Variants in SLCO2A1 observed in about 807,000 individuals in gnomAD.
SLCO2A1 encodes the protein matrin F/G 1.
A neutral mutation model predicts 71.7 loss-of-function variants in SLCO2A1; 60 were observed. That is an observed-to-expected ratio of 0.84 (90% CI 0.68 to 1.04). The LOEUF (loss-of-function observed/expected upper bound fraction) is 1.04. SLCO2A1 is among the 50% of genes least tolerant of loss of function. The probability of loss-of-function intolerance (pLI) is 0.00; values close to 1 mark genes in which losing one functional copy is unlikely to be tolerated. For synonymous variants in SLCO2A1, 308 were observed against 326.7 expected (o/e 0.94, Z 0.62); for missense variants, 745 against 813.4 (o/e 0.92, Z 1.02).
At chr3:133,942,453 C>T (rs1933448465) in intron 11 of SLCO2A1, 152 bp downstream of exon 11, 3 of 814,188 alleles carry the variant, frequency 3.7e-6, no homozygotes, top group South Asian at 4.0e-5. Flanking sequence ...ATTATTTCCC[C>T]TCAGCAAAAG....
At chr3:134,002,279 C>G (rs938463914) in intron 1 of SLCO2A1, among the ~76,000 whole-genome samples, 1 of 152,136 alleles carries the variant, frequency 6.6e-6, no homozygotes, top group South Asian at 2.1e-4. Flanking sequence ...GAGAAGGCTC[C>G]GTCCTCAGCA....
At chr3:133,956,802 A>C (rs377668249) in intron 3 of SLCO2A1, among the ~76,000 whole-genome samples, 22 of 152,326 alleles carry the variant, frequency 1.4e-4, no homozygotes, top group African/African-American at 4.8e-4. Flanking sequence ...TTGGAGAAGA[A>C]TATGTTCCCT....
intron 1 of SLCO2A1, among the ~76,000 whole-genome samples, chr3:134,004,722 G>T (rs1265682743): frequency 6.6e-6 from 1 of 152,198 alleles, no homozygotes; most frequent in Non-Finnish European, 1.5e-5. Context: ...CTAGTTTTGA[G>T]GATGGAGGAA....
At chr3:134,012,771 GC>G (rs1390587704) in intron 1 of SLCO2A1, among the ~76,000 whole-genome samples, 2 of 152,122 alleles carry the variant, frequency 1.3e-5, no homozygotes, top group African/African-American at 4.8e-5. Context: ...CTCTCTGGGA[GC>G]CCCCATTTCT....
chr3:134,002,228 CAG>C (rs1269423971), intron 1 of SLCO2A1, among the ~76,000 whole-genome samples: 1 of 152,212 alleles, frequency 6.6e-6, no homozygotes, highest in African/African-American at 2.4e-5. Flanking sequence ...AGCACTCCTA[CAG>C]ACTCTCCAAA....
At chr3:133,986,439 C>T (rs922565118) in intron 1 of SLCO2A1, among the ~76,000 whole-genome samples, 2 of 152,138 alleles carry the variant, frequency 1.3e-5, no homozygotes, top group African/African-American at 4.8e-5. Context: ...GTAAACACAT[C>T]ACTTGAGACA....
intron 11 of SLCO2A1, among the ~76,000 whole-genome samples, chr3:133,940,381 C>T (rs1276090935): frequency 1.3e-5 from 2 of 152,186 alleles, no homozygotes; most frequent in African/African-American, 2.4e-5. Flanking sequence ...CTCCTCTCCA[C>T]CCCCTACCCC....
chr3:133,953,830 G>T, intron 4 of SLCO2A1, 69 bp from the exon 5 acceptor site: 1 of 1,185,726 alleles, frequency 8.4e-7, no homozygotes, highest in Non-Finnish European at 1.3e-6. Flanking sequence ...GGGCTCCCAA[G>T]CTGAGGGGGA....
chr3:133,983,832 G>A (rs957029610), intron 1 of SLCO2A1, among the ~76,000 whole-genome samples: 6 of 152,226 alleles, frequency 3.9e-5, no homozygotes, highest in Non-Finnish European at 8.8e-5. Context: ...TGGGAGAGAC[G>A]AGGGCTGGCT....
intron 3 of SLCO2A1, among the ~76,000 whole-genome samples, chr3:133,971,010 C>A (rs945609421): frequency 6.6e-6 from 1 of 152,282 alleles, no homozygotes; most frequent in African/African-American, 2.4e-5. Flanking sequence ...GTTGTCTTAA[C>A]CAGTCTCCTG....
intron 1 of SLCO2A1, among the ~76,000 whole-genome samples, chr3:133,990,115 C>T (rs1231376002): frequency 1.3e-5 from 2 of 152,276 alleles, no homozygotes; most frequent in Admixed American, 6.5e-5. Flanking sequence ...GTTGCCTCTC[C>T]GGGCTGTGCC....
rs754827012 is a variant in SLCO2A1, at chr3:133,953,780, G to T, written c.626-19C>A. Reference sequence around the variant, plus strand: ...AAGATGGCTGGAAAAGGAAGTAAGGGGAAGGAGACTGAGATAAATGGAGAG... The same window carrying T: ...AAGATGGCTGGAAAAGGAAGTAAGGTGAAGGAGACTGAGATAAATGGAGAG... On this transcript the variant is annotated intron_variant, in intron 4 of 13. Coordinates refer to ENST00000310926, the MANE Select transcript of SLCO2A1 (RefSeq NM_005630.3). The T allele has an allele frequency of 5.0e-6, 8 of 1,599,386 alleles. No individual in the cohort carries two copies. The Admixed American group carries it at 6.7e-5, about 13-fold the overall frequency.
intron 1 of SLCO2A1, among the ~76,000 whole-genome samples, chr3:134,027,398 T>C (rs1166092410): frequency 6.6e-6 from 1 of 152,236 alleles, no homozygotes; most frequent in Non-Finnish European, 1.5e-5. Context: ...ATCCCTATTC[T>C]GTTTTGTTCC....
intron 1 of SLCO2A1, among the ~76,000 whole-genome samples, chr3:134,003,195 A>C (rs1433007201): frequency 6.6e-6 from 1 of 152,216 alleles, no homozygotes; most frequent in East Asian, 1.9e-4. Flanking sequence ...AATCATCAAT[A>C]AGCATCTTTA....
Position 133,950,726 on chromosome 3 carries a change from C to T in SLCO2A1, c.861+482G>A, listed in dbSNP as rs578159595. On this transcript the variant is annotated intron_variant, in intron 6 of 13. Transcript: ENST00000310926. ...TTCCCTGATTCCTTTCCCCAGCAGG[C>T]GTGACTGGAAGATGCTTGGAAGGTC... is the stretch of plus-strand genomic sequence containing the variant. Among the ~76,000 whole-genome samples, 13 of 152,310 alleles carry T rather than the reference C, an allele frequency of 8.5e-5. 1 individual carries two copies. Among genetic ancestry groups the T allele is most frequent in the South Asian group, 8.3e-4 (4 of 4,828 alleles).
chr3:133,951,363 G>C lies in SLCO2A1; in HGVS notation c.725-19C>G. ...ACTGCAGCTGAAGAGAAAACGAAGA[G>C]TGCAAATGTTTGTTGAATGCATGAT... On this transcript the variant is annotated intron_variant, in intron 5 of 13. Coordinates refer to ENST00000310926, the MANE Select transcript of SLCO2A1 (RefSeq NM_005630.3). 5 of 1,613,220 alleles carry C rather than the reference G, an allele frequency of 3.1e-6. No individual in the cohort carries two copies. Among genetic ancestry groups the C allele is most frequent in the Admixed American group, 1.7e-5 (1 of 59,962 alleles).
chr3:133,942,468 T>A, intron 11 of SLCO2A1, 137 bp downstream of exon 11: 1 of 907,120 alleles, frequency 1.1e-6, no homozygotes. Flanking sequence ...CAAAAGAACC[T>A]TGCACATTGT....
chr3:133,947,570 T>C, intron 8 of SLCO2A1, 125 bp from the exon 9 acceptor site: 1 of 789,352 alleles, frequency 1.3e-6, no homozygotes, highest in Non-Finnish European at 2.0e-6. Flanking sequence ...GTATGTTAAA[T>C]TGTAATCGAA....
chr3:134,023,316 A>G (rs1001430290), intron 1 of SLCO2A1, among the ~76,000 whole-genome samples: 1 of 152,210 alleles, frequency 6.6e-6, no homozygotes, highest in African/African-American at 2.4e-5. Flanking sequence ...ATTGCTGACC[A>G]TCTAGTTATT....
Sources: allele counts gnomAD v4.1 joint callset (sites outside exome capture counted in the v4.1 genomes callset), GRCh38; gene constraint gnomAD v4.1.1; transcripts MANE v1.5; gene names NCBI Gene and HGNC (gene_info 2026-07-23, HGNC 2026-07-21).